CNTN5: variants seen among roughly 807,000 people sequenced by gnomAD.
CNTN5 encodes the protein contactin 5.
Under a neutral mutation model 129.1 loss-of-function variants are expected in CNTN5, and 77 were observed. The observed-to-expected ratio is 0.60, with a 90% CI of 0.50 to 0.72. The LOEUF is 0.72. CNTN5 is among the 30% of genes least tolerant of loss of function. The pLI is 0.00. For missense variants in CNTN5, 1,478 were observed against 1,328.8 expected, an observed-to-expected ratio of 1.11 and a Z score of -1.75; for synonymous variants, 509 against 465.6, an observed-to-expected ratio of 1.09 and a Z score of -1.20.
At chr11:99,075,276 T>C (rs1422963581) in intron 1 of CNTN5, among the ~76,000 whole-genome samples, 1 of 152,212 alleles carries the variant, frequency 6.6e-6, no homozygotes, top group Non-Finnish European at 1.5e-5. Flanking sequence ...TTCTGATGTA[T>C]GGGCCTAAAA....
At chr11:100,028,486 A>T (rs1187848154) in intron 9 of CNTN5, among the ~76,000 whole-genome samples, 1 of 152,130 alleles carries the variant, frequency 6.6e-6, no homozygotes, top group East Asian at 1.9e-4. Context: ...ATGTTAATTT[A>T]TTATTTCACC....
chr11:99,705,273 G>A (rs1954706365), intron 3 of CNTN5, among the ~76,000 whole-genome samples: 1 of 151,322 alleles, frequency 6.6e-6, no homozygotes, highest in African/African-American at 2.4e-5. Context: ...AAGGCCTAGT[G>A]TTCCTAGAAT....
At chr11:99,463,262 C>A (rs932342159) in intron 2 of CNTN5, among the ~76,000 whole-genome samples, 1 of 150,678 alleles carries the variant, frequency 6.6e-6, no homozygotes, top group East Asian at 2.0e-4. Context: ...CACGGTGAAA[C>A]CCCATCTCTA....
At chr11:99,171,386 C>T (rs954572213) in intron 1 of CNTN5, among the ~76,000 whole-genome samples, 1 of 152,200 alleles carries the variant, frequency 6.6e-6, no homozygotes, top group Non-Finnish European at 1.5e-5. Context: ...TTATATTCTT[C>T]TAAATCTTTT....
At chr11:99,978,069 C>T (rs1032543998) in intron 8 of CNTN5, among the ~76,000 whole-genome samples, 1 of 152,150 alleles carries the variant, frequency 6.6e-6, no homozygotes, top group African/African-American at 2.4e-5. Context: ...TTCCAGTCGC[C>T]TAGTGACTTT....
chr11:99,896,034 G>A (rs1260725673), intron 6 of CNTN5, among the ~76,000 whole-genome samples: 3 of 152,128 alleles, frequency 2.0e-5, no homozygotes, highest in Non-Finnish European at 4.4e-5. Flanking sequence ...TGCAGTCATG[G>A]CTCTGTTTCT....
chr11:99,059,981 T>C (rs1277880632), intron 1 of CNTN5, among the ~76,000 whole-genome samples: 1 of 152,106 alleles, frequency 6.6e-6, no homozygotes, highest in East Asian at 1.9e-4. Flanking sequence ...TGCAATTTCA[T>C]AGTAAGATAC....
intron 2 of CNTN5, among the ~76,000 whole-genome samples, chr11:99,442,374 T>G (rs1244205043): frequency 6.6e-6 from 1 of 152,128 alleles, no homozygotes; most frequent in Non-Finnish European, 1.5e-5. Context: ...TTCACCACAT[T>G]GGCCAGGCTG....
chr11:99,473,695 C>G (rs1034396160), intron 2 of CNTN5, among the ~76,000 whole-genome samples: 1 of 151,762 alleles, frequency 6.6e-6, no homozygotes, highest in African/African-American at 2.4e-5. Flanking sequence ...CTTAGAGACT[C>G]TATAATTAAA....
chr11:100,109,911 G>T (rs1380283819), intron 13 of CNTN5, among the ~76,000 whole-genome samples: 1 of 152,142 alleles, frequency 6.6e-6, no homozygotes, highest in Non-Finnish European at 1.5e-5. Context: ...ATGTGTGGTG[G>T]CTCATGCCTG....
intron 2 of CNTN5, among the ~76,000 whole-genome samples, chr11:99,395,578 G>A (rs1941477985): frequency 6.6e-6 from 1 of 151,788 alleles, no homozygotes; most frequent in Non-Finnish European, 1.5e-5. Context: ...TACTTTTGGT[G>A]CCATTGCTTT....
intron 1 of CNTN5, chr11:99,120,539 C>CA (rs1657500040): frequency 6.6e-6 from 1 of 152,118 alleles, no homozygotes; most frequent in South Asian, 2.1e-4. Flanking sequence ...AAAGTGCTTT[C>CA]AAAAAATTTC....
chr11:99,742,302 G>A (rs1188305497), intron 3 of CNTN5, among the ~76,000 whole-genome samples: 1 of 152,042 alleles, frequency 6.6e-6, no homozygotes, highest in African/African-American at 2.4e-5. Context: ...AGAAAGATTG[G>A]CATTTAAACA....
intron 13 of CNTN5, among the ~76,000 whole-genome samples, chr11:100,077,206 A>T (rs1944165778): frequency 6.6e-6 from 1 of 152,190 alleles, no homozygotes; most frequent in Non-Finnish European, 1.5e-5. Context: ...GTGTTAGAAA[A>T]CTGTTAAGAC....
At chr11:100,175,835 C>T (rs7937905) in intron 13 of CNTN5, among the ~76,000 whole-genome samples, 5,483 of 152,026 alleles carry the variant, frequency 0.036, 252 homozygotes, top group African/African-American at 0.11. Flanking sequence ...TGAGGTGATC[C>T]GTAAATGTTT....
At chr11:100,178,800 C>T (rs1196461595) in intron 13 of CNTN5, among the ~76,000 whole-genome samples, 1 of 152,136 alleles carries the variant, frequency 6.6e-6, no homozygotes, top group Non-Finnish European at 1.5e-5. Context: ...CTATCTTGGT[C>T]ACTGGAGAGG....
intron 7 of CNTN5, among the ~76,000 whole-genome samples, chr11:99,919,779 T>A (rs1949889650): frequency 6.6e-6 from 1 of 151,806 alleles, no homozygotes; most frequent in Admixed American, 6.6e-5. Flanking sequence ...TTTCTGTCTC[T>A]ATAGTTTTGA....
At chr11:100,064,065 T>G (rs1943597404) in intron 10 of CNTN5, among the ~76,000 whole-genome samples, 1 of 152,140 alleles carries the variant, frequency 6.6e-6, no homozygotes, top group African/African-American at 2.4e-5. Flanking sequence ...GAATGGATGT[T>G]TCACTGTCTC....
intron 3 of CNTN5, among the ~76,000 whole-genome samples, chr11:99,762,303 C>T (rs565199180): frequency 6.6e-6 from 1 of 150,804 alleles, no homozygotes; most frequent in Non-Finnish European, 1.5e-5. Flanking sequence ...TCTTTTGTTG[C>T]CATTGCTTTT....
Sources: allele counts gnomAD v4.1 joint callset (sites outside exome capture counted in the v4.1 genomes callset), GRCh38; gene constraint gnomAD v4.1.1; transcripts MANE v1.5; gene names NCBI Gene and HGNC (gene_info 2026-07-23, HGNC 2026-07-21).